STOX2: variants seen among roughly 807,000 people sequenced by gnomAD.
STOX2 encodes storkhead-box protein 2.
A neutral mutation model predicts 60.9 loss-of-function variants in STOX2; 28 were observed. The ratio of observed to expected loss-of-function variants is 0.46; its 90% CI spans 0.34 to 0.63. The LOEUF (loss-of-function observed/expected upper bound fraction) is 0.63, where lower values mean the gene tolerates loss of function less well. Ranked by LOEUF, STOX2 falls within the 30% of genes least tolerant of loss-of-function variation. The probability of loss-of-function intolerance (pLI) is 0.01; values close to 1 mark genes in which losing one functional copy is unlikely to be tolerated. For synonymous variants in STOX2, 472 were observed against 463.9 expected (o/e 1.02, Z -0.22); for missense variants, 1,024 against 1,187.7 (o/e 0.86, Z 2.03).
chr4:183,915,500 G>A (rs943396778), intron 1 of STOX2, among the ~76,000 whole-genome samples: 16 of 151,562 alleles, frequency 1.1e-4, no homozygotes, highest in African/African-American at 2.4e-5. Flanking sequence ...GTTACGCGTC[G>A]AATGTGTCCG....
chr4:183,983,843 G>T (rs1401493619), intron 1 of STOX2, among the ~76,000 whole-genome samples: 8 of 152,156 alleles, frequency 5.3e-5, no homozygotes. Flanking sequence ...GAAGTGCAGT[G>T]GTGCAATCAT....
intron 1 of STOX2, among the ~76,000 whole-genome samples, chr4:183,899,100 T>C (rs991947367): frequency 1.3e-5 from 2 of 152,194 alleles, no homozygotes; most frequent in African/African-American, 4.8e-5. Flanking sequence ...ATCTTTGATG[T>C]TATTATTGTA....
intron 1 of STOX2, among the ~76,000 whole-genome samples, chr4:183,879,607 G>A (rs1036586178): frequency 3.3e-5 from 5 of 152,218 alleles, no homozygotes; most frequent in Non-Finnish European, 5.9e-5. Flanking sequence ...GCCTCGCGTT[G>A]GTGTGGCACC....
chr4:183,807,186 A>G (rs1738920597), intron 1 of STOX2, among the ~76,000 whole-genome samples: 1 of 151,936 alleles, frequency 6.6e-6, no homozygotes. Context: ...GTTAGCCATG[A>G]TGGTCTCGAT....
intron 1 of STOX2, among the ~76,000 whole-genome samples, chr4:183,889,962 A>G (rs571678195): frequency 2.0e-5 from 3 of 152,294 alleles, no homozygotes; most frequent in Admixed American, 6.5e-5. Flanking sequence ...ACTTGCTTCT[A>G]TTTCCCACAA....
chr4:183,890,312 G>A (rs766339577), intron 1 of STOX2, among the ~76,000 whole-genome samples: 5 of 151,908 alleles, frequency 3.3e-5, no homozygotes, highest in Non-Finnish European at 7.4e-5. Context: ...GTGAAATCCC[G>A]TCTCTACTAA....
At chr4:184,005,550 G>A (rs1941254882) in intron 2 of STOX2, among the ~76,000 whole-genome samples, 1 of 151,574 alleles carries the variant, frequency 6.6e-6, no homozygotes, top group South Asian at 2.1e-4. Context: ...AAATGTAAAG[G>A]TGTGGAAGAG....
intron 1 of STOX2, among the ~76,000 whole-genome samples, chr4:183,888,169 C>G (rs1284061223): frequency 6.6e-6 from 1 of 152,134 alleles, no homozygotes; most frequent in African/African-American, 2.4e-5. Flanking sequence ...GTCTTTCATT[C>G]CCCTGAGACA....
intron 1 of STOX2, among the ~76,000 whole-genome samples, chr4:183,949,962 T>C (rs1447569098): frequency 6.6e-6 from 1 of 152,182 alleles, no homozygotes; most frequent in Non-Finnish European, 1.5e-5. Context: ...CCCCTGAGGT[T>C]TGAGGGTTCC....
At position 183,882,752 on chromosome 4, in the gene STOX2, T is replaced by A. The variant is rs981899115; in HGVS notation, c.364+84697T>A. Among the ~76,000 whole-genome samples, 3 of 152,308 alleles carry A rather than the reference T, an allele frequency of 2.0e-5. No individual in the cohort carries two copies. In the East Asian group the frequency reaches 5.8e-4, roughly 29 times the overall value. The stretch of plus-strand genomic sequence containing the variant: ...TTAGAATCCTTCTGGTCTGATGCAC[T>A]GGTTTTATATAAATGAAGTAATGAA... On this transcript the variant is annotated intron_variant, in intron 1 of 2. Coordinates refer to the STOX2 transcript ENST00000513034.
intron 1 of STOX2, among the ~76,000 whole-genome samples, chr4:183,993,683 A>G (rs1214774839): frequency 6.6e-6 from 1 of 152,236 alleles, no homozygotes; most frequent in Non-Finnish European, 1.5e-5. Flanking sequence ...GACTATTGCC[A>G]TCGGGCTCAG....
intron 1 of STOX2, among the ~76,000 whole-genome samples, chr4:183,818,317 T>C (rs1739203830): frequency 6.6e-6 from 1 of 152,078 alleles, no homozygotes; most frequent in Admixed American, 6.5e-5. Flanking sequence ...CATGCTGCCT[T>C]CAAGCATCTG....
intron 1 of STOX2, among the ~76,000 whole-genome samples, chr4:183,849,945 C>A (rs1399791164): frequency 2.0e-5 from 3 of 151,926 alleles, no homozygotes; most frequent in African/African-American, 7.3e-5. Flanking sequence ...GCTGCATTTT[C>A]TTTTTTCTTT....
intron 1 of STOX2, among the ~76,000 whole-genome samples, chr4:183,882,702 T>A (rs1365016550): frequency 6.6e-6 from 1 of 152,232 alleles, no homozygotes; most frequent in African/African-American, 2.4e-5. Context: ...TCATATTTCA[T>A]TGAATCTTAT....
chr4:183,971,147 A>G (rs982400675), intron 1 of STOX2, among the ~76,000 whole-genome samples: 2 of 152,136 alleles, frequency 1.3e-5, no homozygotes, highest in African/African-American at 4.8e-5. Context: ...TAGTAGACAA[A>G]CTTGAGTGAT....
Position 184,011,511 on chromosome 4 carries a change from G to C in STOX2, c.2585+88G>C. The C allele has an allele frequency of 6.3e-7, 1 of 1,580,812 alleles. No individual in the cohort carries two copies. Among genetic ancestry groups the C allele is most frequent in the South Asian group, 1.2e-5 (1 of 86,124 alleles). On this transcript the variant is annotated intron_variant, in intron 3 of 3. Transcript: ENST00000308497. The surrounding 1 kb of genome is among the most constrained non-coding windows in gnomAD (Gnocchi z 4.4). The stretch of plus-strand genomic sequence containing the variant: ...AACTTGACAAGTTTCTGATTTCGTA[G>C]TCTCAGTTCTATGGATGAGGGTTAA...
intron 1 of STOX2, among the ~76,000 whole-genome samples, chr4:183,867,223 A>G (rs1740589445): frequency 6.6e-6 from 1 of 152,210 alleles, no homozygotes; most frequent in Non-Finnish European, 1.5e-5. Context: ...TTTTCTCTAC[A>G]TCTCCATTTG....
chr4:183,968,715 G>A (rs75028767), intron 1 of STOX2, among the ~76,000 whole-genome samples: 1,964 of 138,018 alleles, frequency 0.014, 48 homozygotes, highest in African/African-American at 0.049. Context: ...GTTGCCAGGG[G>A]ATGTTTTTTT....
chr4:183,981,364 T>C (rs1579500774), intron 1 of STOX2, among the ~76,000 whole-genome samples: 1 of 152,002 alleles, frequency 6.6e-6, no homozygotes, highest in Non-Finnish European at 1.5e-5. Context: ...CCTCTGCATA[T>C]TGGGGGCTTC....
Sources: gnomAD v4.1 joint callset for allele counts (sites outside exome capture counted in the v4.1 genomes callset) on GRCh38, gnomAD v4.1.1 for gene constraint, Gnocchi (gnomAD v3.1) non-coding constraint, MANE v1.5 for transcripts, NCBI Gene and HGNC (gene_info 2026-07-23, HGNC 2026-07-21) for gene names.